The following DLG2 variants were observed in gnomAD, a reference collection of about 807,000 sequenced individuals.
The protein encoded by DLG2 is disks large homolog 2.
DLG2 carries 45 observed loss-of-function variants against 132.5 expected under a neutral mutation model. That is an observed-to-expected ratio of 0.34 (90% confidence interval 0.27 to 0.44). The LOEUF (loss-of-function observed/expected upper bound fraction) is 0.44, where lower values mean the gene tolerates loss of function less well. Among genes scored for constraint, DLG2 ranks in the 20% least tolerant of loss-of-function variants. DLG2 has a pLI of 1.00. For missense variants in DLG2, 1,045 were observed against 1,196.9 expected (o/e 0.87, Z 1.87); for synonymous variants, 424 against 419.6 (o/e 1.01, Z -0.13).
At chr11:84,992,136 T>C (rs891486935) in intron 6 of DLG2, among the ~76,000 whole-genome samples, 12 of 152,208 alleles carry the variant, frequency 7.9e-5, no homozygotes, top group African/African-American at 2.7e-4. Flanking sequence ...AGTTAAGTTC[T>C]CATGTTTTCT....
chr11:84,801,785 A>G (rs1221362867), intron 6 of DLG2, among the ~76,000 whole-genome samples: 1 of 152,210 alleles, frequency 6.6e-6, no homozygotes, highest in Non-Finnish European at 1.5e-5. Flanking sequence ...CATTATAATG[A>G]TTACAGATCC....
In DLG2 at chr11:84,915,259, AT is replaced by A. The variant is rs920049936; in HGVS notation, c.357+196401del. Among the ~76,000 whole-genome samples the A allele has an allele frequency of 5.9e-5, 9 of 151,770 alleles. No individual in the cohort carries two copies. In the South Asian group the frequency reaches 8.3e-4, roughly 14 times the overall value. ...TTTTAAGCGGGTCAATATGAATTGT[AT>A]TTCCCCCCCCATTATTTTTCTGATT... On this transcript the variant is annotated intron_variant, in intron 6 of 27. Transcript: ENST00000376104.
intron 14 of DLG2, among the ~76,000 whole-genome samples, chr11:83,943,273 A>G (rs1258684031): frequency 6.6e-6 from 1 of 152,198 alleles, no homozygotes; most frequent in East Asian, 1.9e-4. Context: ...TACCTCAATA[A>G]AGCTGGAGGA....
At chr11:84,768,578 T>A (rs914216866) in intron 6 of DLG2, among the ~76,000 whole-genome samples, 1 of 152,156 alleles carries the variant, frequency 6.6e-6, no homozygotes, top group African/African-American at 2.4e-5. Context: ...TGAAATATAT[T>A]CATTGGTATA....
intron 18 of DLG2, among the ~76,000 whole-genome samples, chr11:83,673,670 T>A (rs755633567): frequency 5.9e-5 from 9 of 152,188 alleles, no homozygotes; most frequent in Non-Finnish European, 1.2e-4. Flanking sequence ...CCTAATACAG[T>A]GTCTTGAACA....
intron 17 of DLG2, among the ~76,000 whole-genome samples, chr11:83,830,495 T>C (rs1423224273): frequency 6.6e-6 from 1 of 152,218 alleles, no homozygotes; most frequent in Non-Finnish European, 1.5e-5. Context: ...TCTTTATCCT[T>C]AATATGAACA....
intron 6 of DLG2, among the ~76,000 whole-genome samples, chr11:84,601,781 A>T (rs1259106807): frequency 6.6e-6 from 1 of 152,096 alleles, no homozygotes; most frequent in African/African-American, 2.4e-5. Context: ...AATTTTCTTG[A>T]ATAATCATGA....
At chr11:84,806,273 T>C (rs1306058611) in intron 6 of DLG2, among the ~76,000 whole-genome samples, 1 of 151,962 alleles carries the variant, frequency 6.6e-6, no homozygotes, top group Admixed American at 6.6e-5. Context: ...AAAGAAAACA[T>C]GGCTGAAAAT....
chr11:84,580,602 C>A (rs1265754748), intron 6 of DLG2, among the ~76,000 whole-genome samples: 1 of 152,194 alleles, frequency 6.6e-6, no homozygotes, highest in African/African-American at 2.4e-5. Flanking sequence ...TAAAAGGCAG[C>A]AAGCAGCTGC....
At chr11:85,432,006 C>T (rs1280714768) in intron 3 of DLG2, among the ~76,000 whole-genome samples, 2 of 152,214 alleles carry the variant, frequency 1.3e-5, no homozygotes, top group South Asian at 2.1e-4. Flanking sequence ...AGTGACATCT[C>T]CAGGCACAGG....
chr11:84,918,734 G>A (rs1258711909), intron 6 of DLG2, among the ~76,000 whole-genome samples: 1 of 152,152 alleles, frequency 6.6e-6, no homozygotes, highest in Admixed American at 6.5e-5. Flanking sequence ...GGCAAATCCA[G>A]TACTATTCAA....
At chr11:83,863,871 G>A (rs1039779031) in intron 16 of DLG2, among the ~76,000 whole-genome samples, 6 of 152,082 alleles carry the variant, frequency 3.9e-5, no homozygotes, top group Non-Finnish European at 7.4e-5. Context: ...GACAAGCAAG[G>A]ACTTCAGGGA....
chr11:83,661,152 G>A (rs2153546166), intron 18 of DLG2, among the ~76,000 whole-genome samples: 1 of 152,162 alleles, frequency 6.6e-6, no homozygotes, highest in South Asian at 2.1e-4. Flanking sequence ...CTTGTGCTGT[G>A]GGGGATGTGC....
At chr11:85,288,875 T>C (rs1353073407) in intron 3 of DLG2, among the ~76,000 whole-genome samples, 2 of 152,148 alleles carry the variant, frequency 1.3e-5, no homozygotes, top group East Asian at 3.9e-4. Flanking sequence ...AAATACTACG[T>C]GTACAAATTA....
intron 6 of DLG2, among the ~76,000 whole-genome samples, chr11:84,790,855 G>C (rs1168353753): frequency 6.6e-6 from 1 of 152,200 alleles, no homozygotes; most frequent in East Asian, 1.9e-4. Context: ...CCTTCCCCCA[G>C]TGTATGTTCT....
intron 8 of DLG2, among the ~76,000 whole-genome samples, chr11:84,189,125 C>A (rs546917969): frequency 6.6e-6 from 1 of 152,110 alleles, no homozygotes; most frequent in Non-Finnish European, 1.5e-5. Flanking sequence ...TTGATGCTAA[C>A]GTCTTACTGC....
chr11:83,809,388 C>A (rs1299974715), intron 17 of DLG2, among the ~76,000 whole-genome samples: 1 of 152,146 alleles, frequency 6.6e-6, no homozygotes, highest in African/African-American at 2.4e-5. Context: ...AAGTCAAGGA[C>A]AAGCCTCAAG....
At chr11:84,053,363 C>A (rs940363168) in intron 11 of DLG2, among the ~76,000 whole-genome samples, 1 of 151,908 alleles carries the variant, frequency 6.6e-6, no homozygotes, top group Non-Finnish European at 1.5e-5. Flanking sequence ...GTGTAGCCAA[C>A]CACCATGGCA....
chr11:83,596,749 C>T (rs1463621206), intron 19 of DLG2, among the ~76,000 whole-genome samples: 2 of 152,226 alleles, frequency 1.3e-5, no homozygotes, highest in Non-Finnish European at 2.9e-5. Flanking sequence ...TGTTCCCAAA[C>T]ATAACATTTA....
Sources: allele counts gnomAD v4.1 joint callset (sites outside exome capture counted in the v4.1 genomes callset), GRCh38; gene constraint gnomAD v4.1.1; transcripts MANE v1.5; gene names NCBI Gene and HGNC (gene_info 2026-07-23, HGNC 2026-07-21).